The following FRMD5 variants were observed in gnomAD, a reference collection of about 807,000 sequenced individuals.
FRMD5 encodes FERM domain-containing protein 5.
Under a neutral mutation model 69.0 loss-of-function variants are expected in FRMD5, and 20 were observed. The ratio of observed to expected loss-of-function variants is 0.29; its 90% confidence interval spans 0.20 to 0.42. The LOEUF (loss-of-function observed/expected upper bound fraction) is 0.42, where lower values mean the gene tolerates loss of function less well. Among genes scored for constraint, FRMD5 ranks in the 10% least tolerant of loss-of-function variants. FRMD5 has a pLI of 1.00. For synonymous variants in FRMD5, 271 were observed against 260.1 expected (o/e 1.04, Z -0.40); for missense variants, 595 against 708.6 (o/e 0.84, Z 1.82).
chr15:44,067,420 T>TA (rs765384300), intron 1 of FRMD5, among the ~76,000 whole-genome samples: 14 of 152,228 alleles, frequency 9.2e-5, no homozygotes, highest in Non-Finnish European at 1.5e-4. Context: ...GACACTGACT[T>TA]AATCAGTGTT....
intron 1 of FRMD5, among the ~76,000 whole-genome samples, chr15:43,943,355 C>T (rs1042908048): frequency 2.0e-5 from 3 of 152,188 alleles, no homozygotes; most frequent in Non-Finnish European, 4.4e-5. Context: ...GTTGGGATTA[C>T]AGGCGAGAGC....
At chr15:43,926,087 T>A (rs1238339012) in intron 1 of FRMD5, among the ~76,000 whole-genome samples, 1 of 152,196 alleles carries the variant, frequency 6.6e-6, no homozygotes, top group Admixed American at 6.5e-5. Flanking sequence ...TAATTATTTG[T>A]TGAATAAATT....
In FRMD5 at chr15:43,919,483, G is replaced by A; in HGVS notation, c.305C>T (p.Ala102Val). ...FRVKFYPADP[A>V]ALKEEITRYL... ...CCTGGTTATTTCTTCTTTCAGAGCA[G>A]CAGGGTCTGCAGGATAAAACTTCAC... The change falls in exon 4 of 14, where the codon GCT becomes GTT. Residue 102 changes from alanine (A) to valine (V), a missense_variant. Physicochemically the swap from Ala to Val is moderately conservative, Grantham distance 64 (BLOSUM62 0). Coordinates refer to ENST00000417257, the MANE Select transcript of FRMD5 (RefSeq NM_032892.5). 1 of 1,614,044 alleles carries A rather than the reference G, an allele frequency of 6.2e-7. No individual in the cohort carries two copies. Among genetic ancestry groups the A allele is most frequent in the Non-Finnish European group, 8.5e-7 (1 of 1,180,010 alleles).
intron 1 of FRMD5, among the ~76,000 whole-genome samples, chr15:43,933,533 G>A (rs1808970137): frequency 6.6e-6 from 1 of 152,204 alleles, no homozygotes; most frequent in South Asian, 2.1e-4. Flanking sequence ...TGATGGTCTT[G>A]TAGCTCTTGA....
intron 1 of FRMD5, among the ~76,000 whole-genome samples, chr15:44,100,534 AT>A (rs2076624021): frequency 1.3e-5 from 2 of 152,194 alleles, no homozygotes; most frequent in African/African-American, 4.8e-5. Flanking sequence ...TCCTAGTACA[AT>A]ATTTAAAAAT....
chr15:43,875,363 A>AAAATATATAT (rs1366807150), intron 13 of FRMD5, among the ~76,000 whole-genome samples: 3 of 105,326 alleles, frequency 2.8e-5, no homozygotes, highest in African/African-American at 8.1e-5. Flanking sequence ...AAAAAAAAAA[A>AAAATATATAT]ATATATATAT....
At chr15:44,046,668 T>C (rs1352676132) in intron 1 of FRMD5, among the ~76,000 whole-genome samples, 1 of 152,230 alleles carries the variant, frequency 6.6e-6, no homozygotes, top group Non-Finnish European at 1.5e-5. Context: ...GTTGGTGTAA[T>C]TACTTTTCCA....
intron 1 of FRMD5, among the ~76,000 whole-genome samples, chr15:43,990,393 A>T (rs77382431): frequency 6.6e-6 from 1 of 152,132 alleles, no homozygotes; most frequent in Non-Finnish European, 1.5e-5. Flanking sequence ...CTATAAATAA[A>T]ATTTCTTTTC....
intron 1 of FRMD5, among the ~76,000 whole-genome samples, chr15:44,114,173 T>C (rs1215758471): frequency 6.6e-6 from 1 of 152,138 alleles, no homozygotes; most frequent in Admixed American, 6.5e-5. Context: ...AAGACAGTAG[T>C]ATAAATGGAG....
chr15:44,103,911 G>A (rs2076676380), intron 1 of FRMD5, among the ~76,000 whole-genome samples: 1 of 152,202 alleles, frequency 6.6e-6, no homozygotes, highest in Non-Finnish European at 1.5e-5. Context: ...TGTTTGTGAT[G>A]ATGCTGGTGT....
chr15:44,006,415 C>T (rs993021553), intron 1 of FRMD5, among the ~76,000 whole-genome samples: 2 of 152,198 alleles, frequency 1.3e-5, no homozygotes, highest in African/African-American at 4.8e-5. Flanking sequence ...TGTTTTCATG[C>T]TTGCTAACAT....
At chr15:44,024,031 ACTG>A (rs943338003) in intron 1 of FRMD5, among the ~76,000 whole-genome samples, 2 of 152,184 alleles carry the variant, frequency 1.3e-5, no homozygotes, top group African/African-American at 4.8e-5. Context: ...GTAAATTGTG[ACTG>A]CTATTACCAT....
chr15:43,943,322 C>T (rs1327474873), intron 1 of FRMD5, among the ~76,000 whole-genome samples: 5 of 152,272 alleles, frequency 3.3e-5, no homozygotes, highest in African/African-American at 9.6e-5. Context: ...TCAAGTGATC[C>T]TCCTGCCTTG....
rs745703710 is a variant in FRMD5 at position 43,925,108 on chromosome 15, GAT to G, written c.103-801_103-800del. Among the ~76,000 whole-genome samples the G allele has an allele frequency of 2.0e-5, 3 of 149,322 alleles. No individual in the cohort carries two copies. The East Asian group carries it at 6.0e-4, about 30-fold the overall frequency. ...CAACCTCCACCACCTGGGTTCACACGATTCTCCTGTCTCAGCCTCCCAAGTAG... is the reference window on the plus strand; with the variant it reads ...CAACCTCCACCACCTGGGTTCACACGTCTCCTGTCTCAGCCTCCCAAGTAG... On this transcript the variant is annotated intron_variant, in intron 1 of 13. Coordinates refer to ENST00000417257, the MANE Select transcript of FRMD5 (RefSeq NM_032892.5).
intron 1 of FRMD5, among the ~76,000 whole-genome samples, chr15:44,031,734 G>GTATT (rs1555396250): frequency 2.0e-5 from 3 of 152,124 alleles, no homozygotes; most frequent in African/African-American, 7.2e-5. Context: ...ACGTAGTCCA[G>GTATT]TATTTGGTGG....
chr15:43,942,950 G>C (rs1291390159), intron 1 of FRMD5, among the ~76,000 whole-genome samples: 1 of 152,130 alleles, frequency 6.6e-6, no homozygotes, highest in Non-Finnish European at 1.5e-5. Flanking sequence ...TGTAGAGATG[G>C]GGTTTTGCCG....
chr15:44,141,463 G>T (rs1032516770), intron 1 of FRMD5, among the ~76,000 whole-genome samples: 1 of 152,078 alleles, frequency 6.6e-6, no homozygotes, highest in African/African-American at 2.4e-5. Context: ...CAAATCAGGG[G>T]GAAATCAGAC....
intron 10 of FRMD5, among the ~76,000 whole-genome samples, chr15:43,887,737 C>A (rs2140363475): frequency 6.6e-6 from 1 of 152,286 alleles, no homozygotes; most frequent in East Asian, 1.9e-4. Context: ...TGGGACCTGG[C>A]CAATCAGGGG....
chr15:44,158,205 C>T (rs942958027), intron 1 of FRMD5, among the ~76,000 whole-genome samples: 1 of 152,142 alleles, frequency 6.6e-6, no homozygotes, highest in African/African-American at 2.4e-5. Context: ...TGAGGTATAA[C>T]CACAAGAGAA....
Sources: allele counts gnomAD v4.1 joint callset (sites outside exome capture counted in the v4.1 genomes callset), GRCh38; gene constraint gnomAD v4.1.1; transcripts MANE v1.5; gene names NCBI Gene and HGNC (gene_info 2026-07-23, HGNC 2026-07-21).